Variants in IFT43 observed in about 807,000 individuals in gnomAD.
The protein encoded by IFT43 is intraflagellar transport protein 43 homolog.
Under a neutral mutation model 32.3 loss-of-function variants are expected in IFT43, and 33 were observed. That is an observed-to-expected ratio of 1.02 (90% CI 0.77 to 1.37). IFT43 has a LOEUF of 1.37. Among genes scored for constraint, IFT43 ranks in the 40% most tolerant of loss-of-function variants. IFT43 has a pLI of 0.00. For synonymous variants in IFT43, 93 were observed against 98.2 expected (o/e 0.95, Z 0.31); for missense variants, 274 against 265.9 (o/e 1.03, Z -0.21).
chr14:76,056,961 C>T (rs1258219350), intron 3 of IFT43, among the ~76,000 whole-genome samples: 1 of 152,180 alleles, frequency 6.6e-6, no homozygotes, highest in Non-Finnish European at 1.5e-5. Flanking sequence ...TCTTTGGTGC[C>T]TCCCACTACC....
At chr14:76,048,883 G>C (rs868760448) in intron 3 of IFT43, among the ~76,000 whole-genome samples, 3 of 152,192 alleles carry the variant, frequency 2.0e-5, no homozygotes, top group Non-Finnish European at 2.9e-5. Context: ...CCAGTGGCTC[G>C]CATGCCAGCA....
At position 76,027,250 on chromosome 14, in the gene IFT43, C is replaced by A. The variant is rs541608038; in HGVS notation, c.215+4856C>A. Among the ~76,000 whole-genome samples the A allele has an allele frequency of 6.0e-4, 92 of 152,108 alleles. 1 individual carries two copies. Among genetic ancestry groups the A allele is most frequent in the Admixed American group, 1.8e-3 (28 of 15,260 alleles). On this transcript the variant is annotated intron_variant, in intron 3 of 8. Transcript: ENST00000314067. ...AACTTAAAAGTTAAATTAAAAAAAACCAAAATACCATTATTAAAAATATTT... is the reference window on the plus strand; with the variant it reads ...AACTTAAAAGTTAAATTAAAAAAAAACAAAATACCATTATTAAAAATATTT...
At chr14:76,047,219 C>T (rs2036824656) in intron 3 of IFT43, among the ~76,000 whole-genome samples, 1 of 152,180 alleles carries the variant, frequency 6.6e-6, no homozygotes, top group African/African-American at 2.4e-5. Flanking sequence ...ATACTCAGAA[C>T]CACTGGCTTC....
intron 1 of IFT43, among the ~76,000 whole-genome samples, chr14:75,986,940 G>T (rs959707762): frequency 2.0e-5 from 3 of 152,262 alleles, no homozygotes; most frequent in Admixed American, 1.3e-4. Flanking sequence ...AGTGTCCTAG[G>T]TGCTGGAGAT....
chr14:76,008,977 CATT>C (rs1332235275), intron 2 of IFT43, among the ~76,000 whole-genome samples: 2 of 152,166 alleles, frequency 1.3e-5, no homozygotes, highest in Non-Finnish European at 2.9e-5. Flanking sequence ...ATATTTGTAT[CATT>C]GACAGGTACA....
chr14:75,991,631 T>C (rs2035645731), intron 2 of IFT43, among the ~76,000 whole-genome samples: 1 of 152,156 alleles, frequency 6.6e-6, no homozygotes, highest in Non-Finnish European at 1.5e-5. Flanking sequence ...GAATCATTGC[T>C]GTGAGAATAT....
chr14:76,060,361 G>T (rs556385312), intron 5 of IFT43, among the ~76,000 whole-genome samples: 1 of 151,942 alleles, frequency 6.6e-6, no homozygotes, highest in East Asian at 1.9e-4. Context: ...GGGGTTGCAG[G>T]TGCATGCCAC....
At chr14:76,077,431 T>G (rs910473902) in intron 5 of IFT43, among the ~76,000 whole-genome samples, 7 of 152,210 alleles carry the variant, frequency 4.6e-5, no homozygotes, top group Admixed American at 6.5e-5. Flanking sequence ...CTTCCTGACC[T>G]GAGGAGCATC....
Position 76,083,209 on chromosome 14 carries a change from T to A in IFT43, c.445-18T>A, listed in dbSNP as rs754406425. ...CCTCAAGGTGCTCAGCCTGACCTTT[T>A]TTTGTTTGCATTCACAGGATGGGGA... On this transcript the variant is annotated intron_variant, in intron 7 of 8. Transcript: ENST00000314067. 1 of 1,614,164 alleles carries A rather than the reference T, an allele frequency of 6.2e-7. No homozygotes were observed. Among genetic ancestry groups the A allele is most frequent in the Non-Finnish European group, 8.5e-7 (1 of 1,179,998 alleles).
chr14:76,064,670 C>T (rs889801790), intron 5 of IFT43, among the ~76,000 whole-genome samples: 4 of 152,180 alleles, frequency 2.6e-5, no homozygotes, highest in African/African-American at 4.8e-5. Context: ...TGGACAGCCT[C>T]AGTCCCCAGT....
At chr14:76,074,663 G>A (rs932516658) in intron 5 of IFT43, among the ~76,000 whole-genome samples, 1 of 152,218 alleles carries the variant, frequency 6.6e-6, no homozygotes, top group African/African-American at 2.4e-5. Flanking sequence ...CAGGAACATT[G>A]CTGTCTAGGG....
chr14:76,028,902 A>C (rs1049471479), intron 3 of IFT43, among the ~76,000 whole-genome samples: 1 of 152,186 alleles, frequency 6.6e-6, no homozygotes, highest in Non-Finnish European at 1.5e-5. Context: ...TCCTCTTGTG[A>C]ACAGTGCTAC....
intron 1 of IFT43, chr14:75,986,164 A>AG (rs1355026632): frequency 1.5e-6 from 2 of 1,343,556 alleles, no homozygotes; most frequent in African/African-American, 2.9e-5. Flanking sequence ...GATCGATCAC[A>AG]GGGTGATAGG....
At chr14:75,989,425 C>T (rs979123866) in intron 2 of IFT43, among the ~76,000 whole-genome samples, 18 of 151,982 alleles carry the variant, frequency 1.2e-4, no homozygotes, top group African/African-American at 3.6e-4. Flanking sequence ...GAAACTTTTC[C>T]GAGTAGCCTG....
At chr14:76,073,949 T>A (rs1376081337) in intron 5 of IFT43, among the ~76,000 whole-genome samples, 1 of 152,144 alleles carries the variant, frequency 6.6e-6, no homozygotes, top group African/African-American at 2.4e-5. Flanking sequence ...GTGGCTGTGA[T>A]CAAAACCAGC....
At chr14:76,080,837 G>A (rs1368367569) in intron 5 of IFT43, among the ~76,000 whole-genome samples, 1 of 152,228 alleles carries the variant, frequency 6.6e-6, no homozygotes, top group African/African-American at 2.4e-5. Flanking sequence ...TTCTCTAGCA[G>A]GATAGAGAGA....
chr14:76,005,801 C>T (rs1470345655), intron 2 of IFT43, among the ~76,000 whole-genome samples: 2 of 152,184 alleles, frequency 1.3e-5, no homozygotes, highest in Non-Finnish European at 2.9e-5. Context: ...GATAAAATCT[C>T]CTTCAGTTTC....
intron 1 of IFT43, among the ~76,000 whole-genome samples, chr14:75,986,628 G>A (rs911030260): frequency 6.6e-6 from 1 of 152,168 alleles, no homozygotes; most frequent in African/African-American, 2.4e-5. Context: ...TGCCTATGAG[G>A]CTGTGGTTTA....
At chr14:76,058,389 C>T (rs989812929) in intron 3 of IFT43, 7 of 434,450 alleles carry the variant, frequency 1.6e-5, no homozygotes, top group Non-Finnish European at 2.6e-5. Flanking sequence ...TTTTAAGCCA[C>T]TCGCTCAACC....
Sources: gnomAD v4.1 joint callset for allele counts (sites outside exome capture counted in the v4.1 genomes callset) on GRCh38, gnomAD v4.1.1 for gene constraint, MANE v1.5 for transcripts, NCBI Gene and HGNC (gene_info 2026-07-23, HGNC 2026-07-21) for gene names.